The following RBFOX3 variants were observed in gnomAD, a reference collection of about 807,000 sequenced individuals.
The protein encoded by RBFOX3 is RNA binding fox-1 homolog 3.
In RBFOX3, 17 loss-of-function variants were observed where a neutral mutation model predicts 48.7. The ratio of observed to expected loss-of-function variants is 0.35; its 90% CI spans 0.24 to 0.52. The LOEUF (loss-of-function observed/expected upper bound fraction) is 0.52, where lower values mean the gene tolerates loss of function less well. Ranked by LOEUF, RBFOX3 falls within the 20% of genes least tolerant of loss-of-function variation. The probability of loss-of-function intolerance (pLI) is 0.94; values close to 1 mark genes in which losing one functional copy is unlikely to be tolerated. For synonymous variants in RBFOX3, 212 were observed against 209.5 expected (o/e 1.01, Z -0.10); for missense variants, 382 against 497.5 (o/e 0.77, Z 2.21).
At chr17:79,123,729 G>C (rs1456067817) in intron 4 of RBFOX3, among the ~76,000 whole-genome samples, 1 of 152,202 alleles carries the variant, frequency 6.6e-6, no homozygotes, top group African/African-American at 2.4e-5. Context: ...CTGCAGATGA[G>C]GCTTGGGCAG....
intron 1 of RBFOX3, among the ~76,000 whole-genome samples, chr17:79,536,483 T>C (rs2088776874): frequency 1.3e-5 from 2 of 152,252 alleles, no homozygotes; most frequent in Non-Finnish European, 2.9e-5. Context: ...CATCTGTAAA[T>C]CTGCCAGCTG....
intron 3 of RBFOX3, among the ~76,000 whole-genome samples, chr17:79,265,936 T>TCCA (rs1567944544): frequency 6.6e-6 from 1 of 152,190 alleles, no homozygotes. Flanking sequence ...TGGCACAGCA[T>TCCA]CCAGACTGCT....
At chr17:79,385,858 AC>A (rs2060490824) in intron 2 of RBFOX3, among the ~76,000 whole-genome samples, 1 of 151,168 alleles carries the variant, frequency 6.6e-6, no homozygotes, top group Non-Finnish European at 1.5e-5. Context: ...TCCATTGCAG[AC>A]AGGAGCTCCA....
At chr17:79,650,984 G>A in the RBFOX3 span, among the ~76,000 whole-genome samples, 1 of 152,232 alleles carries the variant, frequency 6.6e-6, no homozygotes, top group Admixed American at 6.5e-5. Context: ...ACTCGCCTGA[G>A]GTGGGGCATA....
intron 3 of RBFOX3, among the ~76,000 whole-genome samples, chr17:79,251,442 A>G (rs1305732993): frequency 6.6e-6 from 1 of 151,684 alleles, no homozygotes. Context: ...GCACCCCTAA[A>G]CTCATTGGAA....
At chr17:79,625,510 G>A in the RBFOX3 span, among the ~76,000 whole-genome samples, 5 of 152,280 alleles carry the variant, frequency 3.3e-5, no homozygotes, top group East Asian at 9.6e-4. Flanking sequence ...TGAGTTTGGG[G>A]CCAGGCGTGG....
At chr17:79,403,910 G>C (rs2063177243) in intron 2 of RBFOX3, among the ~76,000 whole-genome samples, 1 of 151,162 alleles carries the variant, frequency 6.6e-6, no homozygotes, top group Non-Finnish European at 1.5e-5. Context: ...CTCCTGAGTA[G>C]CTGGGACTAC....
chr17:79,297,027 C>T (rs1415699443), intron 3 of RBFOX3, among the ~76,000 whole-genome samples: 1 of 151,170 alleles, frequency 6.6e-6, no homozygotes, highest in Non-Finnish European at 1.5e-5. Context: ...CCTCCTCTCC[C>T]CAGCAGCTCT....
At chr17:79,629,902 C>T in the RBFOX3 span, among the ~76,000 whole-genome samples, 1 of 152,194 alleles carries the variant, frequency 6.6e-6, no homozygotes, top group South Asian at 2.1e-4. Flanking sequence ...TCCCATTATA[C>T]TCCCCAGGCC....
chr17:79,310,691 G>A (rs535405774), intron 2 of RBFOX3, among the ~76,000 whole-genome samples: 2 of 152,208 alleles, frequency 1.3e-5, no homozygotes, highest in African/African-American at 2.4e-5. Context: ...CTTCTGTGGA[G>A]GGAGCACCGC....
At chr17:79,444,898 T>C (rs1555737245) in intron 2 of RBFOX3, among the ~76,000 whole-genome samples, 3 of 152,170 alleles carry the variant, frequency 2.0e-5, no homozygotes, top group African/African-American at 7.2e-5. Flanking sequence ...ACGTTTTCAT[T>C]GCACCAAAAA....
chr17:79,322,659 C>T (rs1338222893), intron 2 of RBFOX3, among the ~76,000 whole-genome samples: 5 of 152,172 alleles, frequency 3.3e-5, no homozygotes, highest in African/African-American at 9.7e-5. Context: ...GCCGCTGAGA[C>T]AGGGACTCCT....
intron 1 of RBFOX3, among the ~76,000 whole-genome samples, chr17:79,485,745 G>T (rs1410552076): frequency 6.6e-6 from 1 of 152,212 alleles, no homozygotes; most frequent in Non-Finnish European, 1.5e-5. Context: ...AGTCCGGAGG[G>T]CAGGGATCAG....
the RBFOX3 span, among the ~76,000 whole-genome samples, chr17:79,618,378 G>C: frequency 6.6e-6 from 1 of 152,148 alleles, no homozygotes; most frequent in Non-Finnish European, 1.5e-5. Flanking sequence ...AGCTCAGCCT[G>C]TGATTGCACA....
intron 1 of RBFOX3, among the ~76,000 whole-genome samples, chr17:79,489,647 C>T (rs1017093790): frequency 1.6e-4 from 24 of 152,314 alleles, no homozygotes; most frequent in Non-Finnish European, 2.6e-4. Context: ...TAGAGCTGTG[C>T]ACCCTCCCAA....
chr17:79,333,171 G>A (rs2146402192), intron 2 of RBFOX3, among the ~76,000 whole-genome samples: 1 of 152,272 alleles, frequency 6.6e-6, no homozygotes, highest in East Asian at 1.9e-4. Context: ...CTTTACCAGG[G>A]AGGAGACTGA....
At chr17:79,342,155 G>A (rs752297862) in intron 2 of RBFOX3, among the ~76,000 whole-genome samples, 8 of 152,162 alleles carry the variant, frequency 5.3e-5, no homozygotes, top group African/African-American at 1.2e-4. Context: ...TTTTTATTTC[G>A]TGTAATATTC....
intron 2 of RBFOX3, among the ~76,000 whole-genome samples, chr17:79,354,142 G>A (rs1013306153): frequency 2.6e-5 from 4 of 152,066 alleles, no homozygotes; most frequent in Non-Finnish European, 2.9e-5. Flanking sequence ...TCAGTTCAAT[G>A]GGTGAACTAT....
intron 1 of RBFOX3, among the ~76,000 whole-genome samples, chr17:79,595,959 C>T (rs1031285854): frequency 3.9e-5 from 6 of 152,236 alleles, no homozygotes; most frequent in South Asian, 2.1e-4. Flanking sequence ...GGGTACATTA[C>T]GCTCCGAAGG....
Sources: allele counts gnomAD v4.1 joint callset (sites outside exome capture counted in the v4.1 genomes callset), GRCh38; gene constraint gnomAD v4.1.1; transcripts MANE v1.5; gene names NCBI Gene and HGNC (gene_info 2026-07-23, HGNC 2026-07-21).